Variants in HELZ observed in about 807,000 individuals in gnomAD.
HELZ encodes ATP-dependent RNA helicase with zinc finger domain.
In HELZ, 23 loss-of-function variants were observed where a neutral mutation model predicts 218.2. That is an observed-to-expected ratio of 0.11 (90% CI 0.08 to 0.15). The LOEUF (loss-of-function observed/expected upper bound fraction) is 0.15, where lower values mean the gene tolerates loss of function less well. Among genes scored for constraint, HELZ ranks in the 10% least tolerant of loss-of-function variants. The pLI is 1.00. For missense variants in HELZ, 1,813 were observed against 2,353.7 expected (o/e 0.77, Z 4.75); for synonymous variants, 814 against 829.4 (o/e 0.98, Z 0.32).
In HELZ at chr17:67,190,096, A is replaced by T; in HGVS notation, c.756+61T>A. On this transcript the variant is annotated intron_variant, in intron 10 of 32. Transcript: ENST00000358691. ...TAAACCAAAATAGAGCACACAATAA[A>T]GTCAAGACTCAAGTTCATTGTTTAA... 2.2e-6 allele frequency: 3 copies of T among 1,378,330 alleles called. No homozygotes were observed. The South Asian group carries it at 3.5e-5, about 16-fold the overall frequency. The allele number at this position is 1,378,330 out of a possible 1,614,324, so 85.4% of individuals were successfully genotyped here. A position where few individuals can be genotyped will look rare whatever the true frequency, so the allele number is the denominator to read the frequency against.
chr17:67,180,155 A>G (rs2039567105), intron 12 of HELZ, among the ~76,000 whole-genome samples: 1 of 152,056 alleles, frequency 6.6e-6, no homozygotes, highest in African/African-American at 2.4e-5. Flanking sequence ...AAATGTAAAG[A>G]TGGTCTGCTT....
intron 31 of HELZ, among the ~76,000 whole-genome samples, chr17:67,090,266 T>C (rs866193369): frequency 6.6e-6 from 1 of 152,170 alleles, no homozygotes; most frequent in East Asian, 1.9e-4. Flanking sequence ...AAGCCCCCCA[T>C]GATCATAGTA....
At chr17:67,144,096 T>A (rs539054328) in intron 21 of HELZ, among the ~76,000 whole-genome samples, 18 of 152,314 alleles carry the variant, frequency 1.2e-4, no homozygotes, top group African/African-American at 4.3e-4. Flanking sequence ...GCTTGTTCTA[T>A]AACACAAAAT....
In HELZ at chr17:67,075,908, TA is replaced by T. The variant is rs1398863734; in HGVS notation, c.*2343del. 6.6e-6 allele frequency: 1 copy of T among 152,648 alleles called. No homozygotes were observed. Among genetic ancestry groups the T allele is most frequent in the Non-Finnish European group, 1.5e-5 (1 of 68,028 alleles). 9.5% of individuals were successfully genotyped at this position (152,648 alleles called of 1,614,324 possible). On this transcript the variant is annotated 3_prime_UTR_variant, in exon 33 of 33. Transcript: ENST00000358691. ...TTAGAACAAGGATGTCATGACAACT[TA>T]ATAGCTTCCTTATCCAAAGCTTCCA... is the stretch of plus-strand genomic sequence containing the variant.
intron 12 of HELZ, among the ~76,000 whole-genome samples, chr17:67,186,265 C>A (rs1225919251): frequency 6.6e-6 from 1 of 152,044 alleles, no homozygotes; most frequent in Non-Finnish European, 1.5e-5. Flanking sequence ...CTACTATTAA[C>A]TAAACGTCTA....
chr17:67,092,434 T>C lies in HELZ; in HGVS notation c.5242-5353A>G, dbSNP rs111950257. Reference sequence around the variant, plus strand: ...AGATGAAGGGATAAAATTAGGGGGGTTAAATGAAAGTCTATACAGGAAACA... The same window carrying C: ...AGATGAAGGGATAAAATTAGGGGGGCTAAATGAAAGTCTATACAGGAAACA... On this transcript the variant is annotated intron_variant, in intron 31 of 32. Transcript: ENST00000358691. 6.0e-3 allele frequency among the ~76,000 whole-genome samples: 899 copies of C among 150,960 alleles called. 7 individuals carry two copies. The highest frequency in any genetic ancestry group is 0.021 in the African/African-American group (854 of 41,148).
intron 16 of HELZ, 56 bp from the exon 17 acceptor site, chr17:67,160,418 C>G: frequency 8.5e-7 from 1 of 1,177,106 alleles, no homozygotes; most frequent in Non-Finnish European, 1.2e-6. Flanking sequence ...ACTATTCAAG[C>G]AGTATAATAC....
intron 32 of HELZ, among the ~76,000 whole-genome samples, chr17:67,081,017 T>C (rs1244331335): frequency 6.6e-6 from 1 of 152,226 alleles, no homozygotes; most frequent in Non-Finnish European, 1.5e-5. Context: ...TATGGCTAAG[T>C]AACTAAATTT....
chr17:67,236,551 T>C (rs7215438), intron 3 of HELZ, among the ~76,000 whole-genome samples: 31,613 of 152,106 alleles, frequency 0.21, 3,532 homozygotes, highest in African/African-American at 0.3. Flanking sequence ...AATTGTAGCA[T>C]GACTTGATGA....
At chr17:67,110,570 G>A (rs960562782) in intron 28 of HELZ, among the ~76,000 whole-genome samples, 1 of 152,116 alleles carries the variant, frequency 6.6e-6, no homozygotes, top group African/African-American at 2.4e-5. Flanking sequence ...AATACACTGT[G>A]CCTGGTGTTG....
chr17:67,145,206 G>A (rs1246949274), intron 21 of HELZ, among the ~76,000 whole-genome samples: 1 of 152,050 alleles, frequency 6.6e-6, no homozygotes, highest in Non-Finnish European at 1.5e-5. Context: ...CCCTGAAGAC[G>A]TTGCCATTTT....
intron 31 of HELZ, among the ~76,000 whole-genome samples, chr17:67,089,333 G>A (rs943196979): frequency 1.3e-5 from 2 of 152,094 alleles, no homozygotes; most frequent in Admixed American, 6.5e-5. Flanking sequence ...AAGCTTAAAG[G>A]AAGAAAACGA....
In HELZ at chr17:67,167,542, T is replaced by G. The variant is rs368036616; in HGVS notation, c.1685A>C (p.Lys562Thr). The G allele has an allele frequency of 8.7e-6, 14 of 1,613,956 alleles. No individual in the cohort carries two copies. Among genetic ancestry groups the G allele is most frequent in the Non-Finnish European group, 1.0e-5 (12 of 1,179,808 alleles). ...CCTTAAAAATATATATTCCTTTGTT[T>G]TTTCTTCAATAGTAGCTTCATAAAC... ...EKVYEATIEE[K>T]TKEYIFLRLS... The change falls in exon 14 of 33, where the codon AAA becomes ACA. Residue 562 changes from lysine to threonine, a missense_variant. By Grantham distance (78) the Lys-to-Thr change is moderately conservative. Around this residue, in one of 4 missense-constraint regions of HELZ, gnomAD observed 714 missense variants for 1,029.2 expected, o/e 0.69. Coordinates refer to ENST00000358691, the MANE Select transcript of HELZ (RefSeq NM_014877.4).
intron 13 of HELZ, among the ~76,000 whole-genome samples, chr17:67,168,756 T>C (rs1013228131): frequency 1.3e-5 from 2 of 152,178 alleles, no homozygotes; most frequent in African/African-American, 4.8e-5. Context: ...TGAGAGAGTA[T>C]GTGTAAAGGC....
chr17:67,244,718 G>T lies in HELZ; in HGVS notation c.-132+430C>A, dbSNP rs989553527. ...ACCCGGTGGAAGTCCGAGGCCTGAG[G>T]GGGGGCATCGAGCGGGGCGTGGGAG... On this transcript the variant is annotated intron_variant, in intron 1 of 32. Coordinates refer to ENST00000358691, the MANE Select transcript of HELZ (RefSeq NM_014877.4). The T allele has an allele frequency of 9.1e-6, 9 of 984,770 alleles. No individual in the cohort carries two copies. The South Asian group carries it at 2.8e-4, about 31-fold the overall frequency. 61.0% of individuals were successfully genotyped at this position (984,770 alleles called of 1,614,324 possible). A position where few individuals can be genotyped will look rare whatever the true frequency, so the allele number is the denominator to read the frequency against.
At chr17:67,201,043 C>T in intron 7 of HELZ, 86 bp downstream of exon 7, 1 of 1,035,776 alleles carries the variant, frequency 9.7e-7, no homozygotes, top group South Asian at 1.3e-5. Context: ...GCTGATGCCA[C>T]AATGGTTTTC....
chr17:67,108,722 A>G lies in HELZ; in HGVS notation c.4494T>C (p.Arg1498=). Reference sequence around the variant, plus strand: ...TTTCCAGAGCGACACTCCCATGTATACGATCTGCAAAAATATTTGTGAAAA... The same window carrying G: ...TTTCCAGAGCGACACTCCCATGTATGCGATCTGCAAAAATATTTGTGAAAA... ...SGLPIGEALD[R]IHGSVALETL... The change falls in exon 30 of 33, where the codon CGT becomes CGC. Residue 1498 remains arginine, a synonymous_variant. Transcript: ENST00000358691. The surrounding 1 kb of genome is among the most constrained non-coding windows in gnomAD (Gnocchi z 4.1). The G allele has an allele frequency of 1.3e-6, 2 of 1,566,516 alleles. No homozygotes were observed. Among genetic ancestry groups the G allele is most frequent in the Non-Finnish European group, 1.7e-6 (2 of 1,154,430 alleles).
At position 67,107,650 on chromosome 17, in the gene HELZ, T is replaced by C. The variant is rs2037148355; in HGVS notation, c.4760A>G (p.Asp1587Gly). 6.2e-7 allele frequency: 1 copy of C among 1,614,022 alleles called. No homozygotes were observed. Among genetic ancestry groups the C allele is most frequent in the Non-Finnish European group, 8.5e-7 (1 of 1,180,026 alleles). Reference protein sequence around the residue: ...QDLIRELSHRDQSETRELAEM... With the variant: ...QDLIRELSHRGQSETRELAEM... The stretch of plus-strand genomic sequence containing the variant: ...AGCTAGTTCCCGTGTTTCACTTTGA[T>C]CACGATGAGACAGTTCTCTGATTAA... The change falls in exon 31 of 33, where the codon GAT becomes GGT. Residue 1587 changes from aspartate to glycine, a missense_variant. This residue lies in a region of HELZ where 938 missense variants were observed against 1,027.5 expected (regional missense o/e 0.91). Coordinates refer to ENST00000358691, the MANE Select transcript of HELZ (RefSeq NM_014877.4).
At chr17:67,080,574 C>T (rs761686951) in intron 32 of HELZ, among the ~76,000 whole-genome samples, 1 of 152,216 alleles carries the variant, frequency 6.6e-6, no homozygotes, top group Non-Finnish European at 1.5e-5. Context: ...ACTGCCTTCT[C>T]AATCCAATAA....
Sources: gnomAD v4.1 joint callset for allele counts (sites outside exome capture counted in the v4.1 genomes callset) on GRCh38, gnomAD v4.1.1 for gene constraint, gnomAD v4.1.1 regional missense constraint, Gnocchi (gnomAD v3.1) non-coding constraint, MANE v1.5 for transcripts, NCBI Gene and HGNC (gene_info 2026-07-23, HGNC 2026-07-21) for gene names.